Variants in FBXL18 observed in about 807,000 individuals in gnomAD.
FBXL18 encodes F-box and leucine rich repeat protein 18.
In FBXL18, 36 loss-of-function variants were observed where a neutral mutation model predicts 46.0. That is an observed-to-expected ratio of 0.78 (90% CI 0.60 to 1.03). The LOEUF (loss-of-function observed/expected upper bound fraction) is 1.03. Among genes scored for constraint, FBXL18 ranks in the 50% least tolerant of loss-of-function variants. The pLI is 0.00. For synonymous variants in FBXL18, 557 were observed against 465.3 expected (o/e 1.20, Z -2.54); for missense variants, 977 against 1,004.1 (o/e 0.97, Z 0.36).
chr7:5,506,580 A>T (rs372931296), intron 1 of FBXL18, among the ~76,000 whole-genome samples: 2 of 150,738 alleles, frequency 1.3e-5, no homozygotes, highest in East Asian at 3.9e-4. Context: ...TTTTGGAGAA[A>T]GAGTCTCACT....
intron 4 of FBXL18, among the ~76,000 whole-genome samples, chr7:5,461,135 G>A (rs555871054): frequency 1.3e-5 from 2 of 152,344 alleles, no homozygotes; most frequent in South Asian, 4.1e-4. Context: ...GTGGCAGGTG[G>A]CTGCAAACAC....
In FBXL18 at chr7:5,455,154, T is replaced by C. The variant is rs1253610352; in HGVS notation, c.2001-7311A>G. Among the ~76,000 whole-genome samples the C allele has an allele frequency of 6.6e-6, 1 of 152,060 alleles. No homozygotes were observed. The highest frequency in any genetic ancestry group is 1.9e-4 in the East Asian group (1 of 5,176). On this transcript the variant is annotated intron_variant and NMD_transcript_variant, in intron 4 of 6. Transcript: ENST00000415009. This position sits in a 1 kb window ranked among gnomAD's most constrained non-coding sequence, Gnocchi z 4.6. ...GCTCAGGGAGCAACCCTGGCACTAC[T>C]GGGGAGGACTCTTGGGGATTATCTT...
At chr7:5,509,062 A>T (rs1784463427) in intron 1 of FBXL18, among the ~76,000 whole-genome samples, 1 of 151,802 alleles carries the variant, frequency 6.6e-6, no homozygotes, top group Non-Finnish European at 1.5e-5. Context: ...GTGTGGTGGC[A>T]CACGCCTATA....
At chr7:5,489,350 G>A (rs1031229239) in intron 4 of FBXL18, 5 of 518,120 alleles carry the variant, frequency 9.7e-6, no homozygotes, top group African/African-American at 9.6e-5. Context: ...ATAGGTTGAT[G>A]TTGGCCAGGC....
downstream of FBXL18, among the ~76,000 whole-genome samples, chr7:5,471,330 G>A (rs1287662849): frequency 3.3e-5 from 5 of 152,198 alleles, no homozygotes; most frequent in Admixed American, 6.5e-5. Context: ...AGGCTGGAGT[G>A]CAGTGGCGCG....
chr7:5,454,633 A>G (rs1584174176), intron 4 of FBXL18, among the ~76,000 whole-genome samples: 1 of 152,326 alleles, frequency 6.6e-6, no homozygotes, highest in East Asian at 1.9e-4. Context: ...GAGTGAAAAG[A>G]AAGAACCTCA....
chr7:5,475,487 C>G (rs1783494376), downstream of FBXL18, among the ~76,000 whole-genome samples: 1 of 152,190 alleles, frequency 6.6e-6, no homozygotes. This position sits in a 1 kb window ranked among gnomAD's most constrained non-coding sequence, Gnocchi z 4.2. Context: ...GCCTGCACAA[C>G]CGTGCCAGTG....
chr7:5,484,071 C>G (rs937084370), intron 4 of FBXL18, among the ~76,000 whole-genome samples: 4 of 152,156 alleles, frequency 2.6e-5, no homozygotes, highest in Non-Finnish European at 4.4e-5. Flanking sequence ...GTGAACACCA[C>G]GGGTCATGTG....
chr7:5,490,081 C>T, intron 4 of FBXL18: 1 of 1,360,524 alleles, frequency 7.4e-7, no homozygotes, highest in Non-Finnish European at 9.8e-7. Context: ...CGGCCGACCG[C>T]AAGGACAACA....
chr7:5,474,066 G>A (rs1386780150), downstream of FBXL18, among the ~76,000 whole-genome samples: 1 of 152,120 alleles, frequency 6.6e-6, no homozygotes. Context: ...CCAACTGCTG[G>A]GATTACAGGC....
chr7:5,488,290 G>A (rs1317139933), intron 4 of FBXL18, among the ~76,000 whole-genome samples: 4 of 152,236 alleles, frequency 2.6e-5, no homozygotes, highest in Non-Finnish European at 4.4e-5. Flanking sequence ...AGCAGGGGCT[G>A]GCATCCGGTG....
intron 4 of FBXL18, among the ~76,000 whole-genome samples, chr7:5,463,005 A>ATATATATATATATATG (rs1783279137): frequency 8.8e-6 from 1 of 113,628 alleles, no homozygotes; most frequent in Non-Finnish European, 1.9e-5. Context: ...TAATATATAT[A>ATATATATATATATATG]CACACACACA....
chr7:5,456,998 A>C (rs1045170666), intron 4 of FBXL18, among the ~76,000 whole-genome samples: 2 of 152,188 alleles, frequency 1.3e-5, no homozygotes, highest in African/African-American at 4.8e-5. Flanking sequence ...TCCTGTCCTC[A>C]AGTGATCCAC....
chr7:5,456,026 G>C (rs1783168170), intron 4 of FBXL18, among the ~76,000 whole-genome samples: 1 of 152,096 alleles, frequency 6.6e-6, no homozygotes, highest in African/African-American at 2.4e-5. Context: ...GCCCTCCGCA[G>C]TCCTTCTCAG....
intron 1 of FBXL18, among the ~76,000 whole-genome samples, chr7:5,511,169 G>GC (rs1784521056): frequency 6.6e-6 from 1 of 152,170 alleles, no homozygotes; most frequent in Non-Finnish European, 1.5e-5. Flanking sequence ...GGGCATGGTG[G>GC]CTCACGCCTG....
chr7:5,505,984 C>A (rs13228598), intron 1 of FBXL18, among the ~76,000 whole-genome samples: 1 of 151,932 alleles, frequency 6.6e-6, no homozygotes, highest in African/African-American at 2.4e-5. Flanking sequence ...CCTGCCTCAG[C>A]CTCCCAAGCA....
rs1198046935 is a variant in FBXL18 at position 5,455,977 on chromosome 7, C to A, written c.2001-8134G>T. ...CATTTCGTTCCCTCTGTGCTCCTTC[C>A]CCAGTGTCACTCCTCCTTCAAACCC... On this transcript the variant is annotated intron_variant and NMD_transcript_variant, in intron 4 of 6. Transcript: ENST00000415009. The surrounding 1 kb of genome is among the most constrained non-coding windows in gnomAD (Gnocchi z 4.6). 2.0e-5 allele frequency among the ~76,000 whole-genome samples: 3 copies of A among 152,174 alleles called. No homozygotes were observed. Among genetic ancestry groups the A allele is most frequent in the African/African-American group, 7.2e-5 (3 of 41,450 alleles).
At chr7:5,510,488 C>A (rs1784504049) in intron 1 of FBXL18, among the ~76,000 whole-genome samples, 1 of 151,762 alleles carries the variant, frequency 6.6e-6, no homozygotes, top group Admixed American at 6.6e-5. Context: ...TCGAGACCAG[C>A]CTGACCAACA....
intron 3 of FBXL18, among the ~76,000 whole-genome samples, chr7:5,495,427 G>A (rs551086118): frequency 3.9e-5 from 6 of 152,296 alleles, no homozygotes; most frequent in South Asian, 2.1e-4. Flanking sequence ...GCCCTCCACC[G>A]CAAGCAGGGC....
Sources: allele counts gnomAD v4.1 joint callset (sites outside exome capture counted in the v4.1 genomes callset), GRCh38; gene constraint gnomAD v4.1.1; non-coding constraint Gnocchi (gnomAD v3.1); transcripts MANE v1.5; gene names NCBI Gene and HGNC (gene_info 2026-07-23, HGNC 2026-07-21).